The following SIMC1 variants were observed in gnomAD, a reference collection of about 807,000 sequenced individuals.
SIMC1 encodes SUMO-interacting motif-containing protein 1.
SIMC1 carries 55 observed loss-of-function variants against 82.3 expected under a neutral mutation model. That is an observed-to-expected ratio of 0.67 (90% CI 0.54 to 0.84). The LOEUF (loss-of-function observed/expected upper bound fraction) is 0.84, where lower values mean the gene tolerates loss of function less well. Ranked by LOEUF, SIMC1 falls within the 40% of genes least tolerant of loss-of-function variation. SIMC1 has a pLI of 0.00. For missense variants in SIMC1, 915 were observed against 1,107.2 expected, an observed-to-expected ratio of 0.83 and a Z score of 2.46; for synonymous variants, 353 against 426.3, an observed-to-expected ratio of 0.83 and a Z score of 2.12.
At chr5:176,307,943 T>G (rs1764498669) in intron 4 of SIMC1, 1 of 564,980 alleles carries the variant, frequency 1.8e-6, no homozygotes, top group Non-Finnish European at 3.2e-6. Context: ...ATTCAAATGT[T>G]CAAAGCAGTG....
intron 1 of SIMC1, chr5:176,263,599 A>G (rs1171680518): frequency 5.1e-5 from 66 of 1,299,370 alleles, no homozygotes; most frequent in Non-Finnish European, 6.4e-5. Flanking sequence ...TGAGAATGGC[A>G]CCATGACATT....
In SIMC1 at chr5:176,252,081, T is replaced by G. The variant is rs549419592; in HGVS notation, c.129+13444T>G. The stretch of plus-strand genomic sequence containing the variant: ...CCACCATTGTCATCATGGCCCGTTC[T>G]CAATGAGCTGTTGGGTACACCTCCC... On this transcript the variant is annotated intron_variant, in intron 1 of 9. Coordinates refer to ENST00000429602, the MANE Select transcript of SIMC1 (RefSeq NM_001308195.2). 3.1e-3 allele frequency among the ~76,000 whole-genome samples: 468 copies of G among 152,310 alleles called. 4 individuals are homozygous for G. The highest frequency in any genetic ancestry group is 0.011 in the African/African-American group (444 of 41,564).
At chr5:176,276,036 C>A (rs555920335) in intron 1 of SIMC1, among the ~76,000 whole-genome samples, 2 of 151,536 alleles carry the variant, frequency 1.3e-5, no homozygotes, top group African/African-American at 2.4e-5. Flanking sequence ...GGAATAGTTT[C>A]AGAAGGAATG....
At chr5:176,292,767 C>T (rs1397628788) in intron 2 of SIMC1, among the ~76,000 whole-genome samples, 1 of 152,164 alleles carries the variant, frequency 6.6e-6, no homozygotes, top group African/African-American at 2.4e-5. Flanking sequence ...TCTTGAACTC[C>T]TGACCTCAAG....
At chr5:176,262,015 AAG>A (rs1443231027) in intron 1 of SIMC1, among the ~76,000 whole-genome samples, 1 of 151,836 alleles carries the variant, frequency 6.6e-6, no homozygotes, top group African/African-American at 2.4e-5. Context: ...GACAAATTAT[AAG>A]AGAAAACTAC....
At chr5:176,307,142 A>T (rs1764459309) in intron 4 of SIMC1, among the ~76,000 whole-genome samples, 1 of 152,134 alleles carries the variant, frequency 6.6e-6, no homozygotes, top group Non-Finnish European at 1.5e-5. Flanking sequence ...ACTATTTTTT[A>T]AAAAAACAAA....
intron 3 of SIMC1, 106 bp from the exon 4 acceptor site, chr5:176,296,145 G>C (rs1763804130): frequency 2.0e-5 from 31 of 1,575,912 alleles, no homozygotes; most frequent in Non-Finnish European, 2.7e-5. Flanking sequence ...AGAGCATGGA[G>C]GATAATGGAG....
intron 9 of SIMC1, among the ~76,000 whole-genome samples, chr5:176,341,268 G>T (rs777258575): frequency 7.9e-5 from 12 of 152,232 alleles, no homozygotes; most frequent in African/African-American, 2.4e-5. Context: ...TGCTTAGTGA[G>T]TCCAAGGAAC....
chr5:176,345,521 A>G lies in SIMC1; in HGVS notation c.*76A>G. The G allele has an allele frequency of 6.7e-7, 1 of 1,487,764 alleles. No homozygotes were observed. Among genetic ancestry groups the G allele is most frequent in the East Asian group, 2.3e-5 (1 of 43,228 alleles). 92.2% of individuals were successfully genotyped at this position (1,487,764 alleles called of 1,614,324 possible). A position where few individuals can be genotyped will look rare whatever the true frequency, so the allele number is the denominator to read the frequency against. On this transcript the variant is annotated 3_prime_UTR_variant, in exon 10 of 10. Coordinates refer to ENST00000429602, the MANE Select transcript of SIMC1 (RefSeq NM_001308195.2). Reference sequence around the variant, plus strand: ...ACTGCTCAGAAGCTCTAAAAGCATGAAAAGTGGTTAAAATCTTACAGGACC... The same window carrying G: ...ACTGCTCAGAAGCTCTAAAAGCATGGAAAGTGGTTAAAATCTTACAGGACC...
At chr5:176,308,453 G>T in intron 4 of SIMC1, 1 of 1,607,816 alleles carries the variant, frequency 6.2e-7, no homozygotes, top group Non-Finnish European at 8.5e-7. Flanking sequence ...TAACTGTTTG[G>T]CCTTCACATG....
chr5:176,313,825 CAAGCAGCCCCACAATGTCAGGT>C lies in SIMC1; in HGVS notation c.1878_1889+10del. The C allele has an allele frequency of 6.2e-7, 1 of 1,613,644 alleles. No homozygotes were observed. The highest frequency in any genetic ancestry group is 8.5e-7 in the Non-Finnish European group (1 of 1,179,876). On this transcript the variant is annotated splice_donor_variant and coding_sequence_variant, in exon 5 of 10. Coordinates refer to ENST00000429602, the MANE Select transcript of SIMC1 (RefSeq NM_001308195.2). LOFTEE classifies it high-confidence loss of function. The stretch of plus-strand genomic sequence containing the variant: ...TTGCAAACATGGTGCTTTCCTGTGA[CAAGCAGCCCCACAATGTCAGGT>C]AAGCAGCCACCTGAGCCCTCGGATG...
At chr5:176,283,887 A>T (rs573147719) in intron 1 of SIMC1, among the ~76,000 whole-genome samples, 26 of 151,786 alleles carry the variant, frequency 1.7e-4, no homozygotes, top group African/African-American at 6.1e-4. Context: ...AGTCTCTGAT[A>T]AAACAGACTT....
intron 6 of SIMC1, among the ~76,000 whole-genome samples, chr5:176,323,395 G>A (rs1228898370): frequency 6.6e-6 from 1 of 151,992 alleles, no homozygotes; most frequent in Non-Finnish European, 1.5e-5. Context: ...ATAACAATAG[G>A]GTCCCCTAAA....
At chr5:176,243,032 C>G (rs556393527) in intron 1 of SIMC1, among the ~76,000 whole-genome samples, 5 of 152,000 alleles carry the variant, frequency 3.3e-5, no homozygotes, top group African/African-American at 1.2e-4. Flanking sequence ...TTCATTTATT[C>G]AATAAATATT....
At chr5:176,272,292 G>A (rs774737153) in intron 1 of SIMC1, among the ~76,000 whole-genome samples, 1 of 150,118 alleles carries the variant, frequency 6.7e-6, no homozygotes, top group African/African-American at 2.4e-5. Flanking sequence ...GTGACATAGC[G>A]AGACCCCATC....
At chr5:176,241,497 CATTT>C (rs1183490427) in intron 1 of SIMC1, among the ~76,000 whole-genome samples, 3 of 148,868 alleles carry the variant, frequency 2.0e-5, no homozygotes, top group African/African-American at 7.5e-5. Flanking sequence ...TACTCTTGTT[CATTT>C]GTTTATTAAG....
At chr5:176,262,867 C>T (rs1295089969) in intron 1 of SIMC1, among the ~76,000 whole-genome samples, 1 of 151,762 alleles carries the variant, frequency 6.6e-6, no homozygotes, top group East Asian at 1.9e-4. Context: ...TCACTGAAGA[C>T]ATGATTTGTC....
intron 9 of SIMC1, among the ~76,000 whole-genome samples, chr5:176,341,048 G>A (rs1766116871): frequency 1.3e-5 from 2 of 152,210 alleles, no homozygotes; most frequent in Non-Finnish European, 2.9e-5. Context: ...TTGGGAGGCT[G>A]AGGCAGGAGA....
chr5:176,312,459 C>G (rs954668737), intron 4 of SIMC1, among the ~76,000 whole-genome samples: 2 of 146,066 alleles, frequency 1.4e-5, no homozygotes, highest in African/African-American at 5.1e-5. Context: ...TTGCTTGAGC[C>G]TGGGAGGCAG....
Sources: gnomAD v4.1 joint callset for allele counts (sites outside exome capture counted in the v4.1 genomes callset) on GRCh38, gnomAD v4.1.1 for gene constraint, MANE v1.5 for transcripts, NCBI Gene and HGNC (gene_info 2026-07-23, HGNC 2026-07-21) for gene names.